The following PLXDC2 variants were observed in gnomAD, a reference collection of about 807,000 sequenced individuals.
PLXDC2 encodes the protein plexin domain-containing protein 2.
PLXDC2 carries 40 observed loss-of-function variants against 68.9 expected under a neutral mutation model. The ratio of observed to expected loss-of-function variants is 0.58; its 90% CI spans 0.45 to 0.76. The LOEUF is 0.76. PLXDC2 is among the 30% of genes least tolerant of loss of function. PLXDC2 has a pLI of 0.00. For missense variants in PLXDC2, 644 were observed against 661.9 expected (o/e 0.97, Z 0.30); for synonymous variants, 243 against 234.2 (o/e 1.04, Z -0.34).
chr10:20,156,363 A>G (rs1351936311), intron 6 of PLXDC2, among the ~76,000 whole-genome samples: 1 of 152,220 alleles, frequency 6.6e-6, no homozygotes, highest in Non-Finnish European at 1.5e-5. Context: ...TGTAAAACAG[A>G]TATGTTGCCG....
rs1365659424 is a variant in PLXDC2 at position 20,284,760 on chromosome 10, T to C, written c.*4941T>C. On this transcript the variant is annotated 3_prime_UTR_variant, in exon 14 of 14. Transcript: ENST00000377252. ...GCCTTCATCTCTTAATTGTCGGCAC[T>C]TAAGGCCAACCAAGCAGCTTAGACA... The C allele has an allele frequency of 6.6e-6, 1 of 152,176 alleles. No individual in the cohort carries two copies. The highest frequency in any genetic ancestry group is 1.5e-5 in the Non-Finnish European group (1 of 68,034). 9.4% of individuals were successfully genotyped at this position (152,176 alleles called of 1,614,324 possible). A position where few individuals can be genotyped will look rare whatever the true frequency, so the allele number is the denominator to read the frequency against.
intron 12 of PLXDC2, among the ~76,000 whole-genome samples, chr10:20,236,374 G>A (rs1205813658): frequency 1.3e-5 from 2 of 151,478 alleles, no homozygotes; most frequent in Non-Finnish European, 2.9e-5. Context: ...GAACCCAGGA[G>A]GTGGAGGTTG....
At chr10:20,103,000 A>C (rs758122029) in intron 4 of PLXDC2, among the ~76,000 whole-genome samples, 8 of 152,178 alleles carry the variant, frequency 5.3e-5, no homozygotes, top group Non-Finnish European at 1.0e-4. Context: ...TGAGGTGGGA[A>C]GAAAACCAAG....
intron 2 of PLXDC2, among the ~76,000 whole-genome samples, chr10:20,035,983 T>C (rs989056637): frequency 2.6e-5 from 4 of 151,900 alleles, no homozygotes; most frequent in African/African-American, 9.7e-5. Context: ...CAGATAACTG[T>C]GGATTTTTCC....
intron 1 of PLXDC2, among the ~76,000 whole-genome samples, chr10:19,961,033 G>T (rs1369915326): frequency 6.6e-6 from 1 of 152,208 alleles, no homozygotes; most frequent in Admixed American, 6.5e-5. Context: ...AGACCATACG[G>T]CATGGGCTGT....
intron 4 of PLXDC2, among the ~76,000 whole-genome samples, chr10:20,082,065 A>AAAAAAC: frequency 2.1e-5 from 1 of 46,820 alleles, no homozygotes. Flanking sequence ...AAAAAAAATC[A>AAAAAAC]AAAAAAAAAA....
chr10:20,064,700 G>A (rs1836172012), intron 3 of PLXDC2, among the ~76,000 whole-genome samples: 1 of 152,104 alleles, frequency 6.6e-6, no homozygotes, highest in Non-Finnish European at 1.5e-5. Context: ...TTGGTGACCT[G>A]TGGTTCACCA....
intron 13 of PLXDC2, among the ~76,000 whole-genome samples, chr10:20,250,371 A>G (rs1396774971): frequency 6.6e-6 from 1 of 151,564 alleles, no homozygotes; most frequent in Non-Finnish European, 1.5e-5. Context: ...TGCTCTTCCT[A>G]CTTTTTCTTA....
intron 13 of PLXDC2, among the ~76,000 whole-genome samples, chr10:20,259,521 G>A (rs1835783981): frequency 6.6e-6 from 1 of 152,152 alleles, no homozygotes; most frequent in South Asian, 2.1e-4. Context: ...GACAGTTTAT[G>A]GCCAAACTGC....
chr10:20,085,206 T>C (rs1833174644), intron 4 of PLXDC2, among the ~76,000 whole-genome samples: 1 of 68,500 alleles, frequency 1.5e-5, no homozygotes. Context: ...TTAGGTTTTT[T>C]GTTAAAAAAA....
intron 4 of PLXDC2, 104 bp downstream of exon 4, chr10:20,068,343 C>T: frequency 9.9e-7 from 1 of 1,012,892 alleles, no homozygotes; most frequent in Non-Finnish European, 1.4e-6. Flanking sequence ...TTGAGAAAAC[C>T]ATTGTGTTTT....
intron 2 of PLXDC2, among the ~76,000 whole-genome samples, chr10:20,024,306 A>T (rs530259046): frequency 6.6e-6 from 1 of 152,332 alleles, no homozygotes; most frequent in Non-Finnish European, 1.5e-5. Flanking sequence ...CTAATTGGTA[A>T]GAGATCATTA....
chr10:19,957,389 T>A (rs1004945900), intron 1 of PLXDC2, among the ~76,000 whole-genome samples: 2 of 152,272 alleles, frequency 1.3e-5, no homozygotes, highest in South Asian at 4.1e-4. Context: ...TACCCGAAAG[T>A]AGCCCTTAAA....
chr10:20,145,862 G>T (rs1408295502), intron 5 of PLXDC2, among the ~76,000 whole-genome samples: 2 of 152,180 alleles, frequency 1.3e-5, no homozygotes, highest in Non-Finnish European at 2.9e-5. Flanking sequence ...CAACAGTGTG[G>T]TTTTTAACAA....
chr10:19,928,620 C>T (rs561883708), intron 1 of PLXDC2, among the ~76,000 whole-genome samples: 4 of 151,998 alleles, frequency 2.6e-5, no homozygotes, highest in Admixed American at 6.6e-5. Flanking sequence ...CACCCCTTGG[C>T]GGGGCTTAAT....
chr10:20,234,663 C>CTTTTTTTTTT (rs58791520), intron 12 of PLXDC2, among the ~76,000 whole-genome samples: 1 of 125,418 alleles, frequency 8.0e-6, no homozygotes, highest in Non-Finnish European at 1.7e-5. Flanking sequence ...GGGTTTCTTT[C>CTTTTTTTTTT]TTTTTTTTTT....
chr10:20,044,285 CTT>C (rs1275974146), intron 2 of PLXDC2, among the ~76,000 whole-genome samples: 4 of 78,032 alleles, frequency 5.1e-5, no homozygotes, highest in South Asian at 4.0e-4. Flanking sequence ...TTCTTTCTTT[CTT>C]TCTTTCTTCT....
rs1317150441 is a variant in PLXDC2, at chr10:20,126,442, G to A, written c.542-16853G>A. 2.8e-5 allele frequency among the ~76,000 whole-genome samples: 3 copies of A among 108,270 alleles called. 1 individual carries two copies. Among genetic ancestry groups the A allele is most frequent in the Non-Finnish European group, 4.0e-5 (2 of 50,124 alleles). The allele number at this position is 108,270 out of a possible 152,430, so 71.0% of individuals were successfully genotyped here. On this transcript the variant is annotated intron_variant, in intron 4 of 13. Transcript: ENST00000377252. ...CGTTATATATGTATATACAACACAC[G>A]TTATATATGTATATACAACACACGT...
At chr10:19,992,989 C>T (rs1021603208) in intron 1 of PLXDC2, among the ~76,000 whole-genome samples, 18 of 152,144 alleles carry the variant, frequency 1.2e-4, no homozygotes, top group Non-Finnish European at 2.9e-5. Context: ...AAGACCTAGC[C>T]TCACGACTCG....
Sources: gnomAD v4.1 joint callset for allele counts (sites outside exome capture counted in the v4.1 genomes callset) on GRCh38, gnomAD v4.1.1 for gene constraint, MANE v1.5 for transcripts, NCBI Gene and HGNC (gene_info 2026-07-23, HGNC 2026-07-21) for gene names.